The following PPM1D variants were observed in gnomAD, a reference collection of about 807,000 sequenced individuals.
PPM1D encodes protein phosphatase, Mg2+/Mn2+ dependent 1D.
A neutral mutation model predicts 58.3 loss-of-function variants in PPM1D; 52 were observed. That is an observed-to-expected ratio of 0.89 (90% CI 0.71 to 1.12). PPM1D has a LOEUF of 1.12. PPM1D is among the 50% of genes most tolerant of loss of function. PPM1D has a pLI of 0.00. For missense variants in PPM1D, 564 were observed against 777.2 expected, an observed-to-expected ratio of 0.73 and a Z score of 3.26; for synonymous variants, 278 against 285.1, an observed-to-expected ratio of 0.98 and a Z score of 0.25.
chr17:60,617,238 A>G (rs1399070839), intron 1 of PPM1D, among the ~76,000 whole-genome samples: 2 of 151,680 alleles, frequency 1.3e-5, no homozygotes. Flanking sequence ...GAATGTAGGC[A>G]TGAGCCACTG....
intron 3 of PPM1D, among the ~76,000 whole-genome samples, chr17:60,645,779 G>A (rs1055595263): frequency 6.6e-6 from 1 of 150,654 alleles, no homozygotes; most frequent in Non-Finnish European, 1.5e-5. Flanking sequence ...TGAGAAGGGA[G>A]AATTTTCACT....
Position 60,647,223 on chromosome 17 carries a change from G to C in PPM1D, c.827-669G>C, listed in dbSNP as rs573704204. Among the ~76,000 whole-genome samples, 195 of 152,106 alleles carry C rather than the reference G, an allele frequency of 1.3e-3. 1 individual carries two copies. The highest frequency in any genetic ancestry group is 3.2e-3 in the Admixed American group (49 of 15,256). The stretch of plus-strand genomic sequence containing the variant: ...GTATTGCTATCTATGAATCTGATTG[G>C]TTACTTCATTTATTTAGATTATCTT... On this transcript the variant is annotated intron_variant, in intron 3 of 5. Coordinates refer to ENST00000305921, the MANE Select transcript of PPM1D (RefSeq NM_003620.4).
intron 3 of PPM1D, among the ~76,000 whole-genome samples, chr17:60,643,476 CCTAATT>C (rs1369099917): frequency 6.6e-6 from 1 of 152,098 alleles, no homozygotes; most frequent in Admixed American, 6.6e-5. Flanking sequence ...GTTAGAATGT[CCTAATT>C]CTGTCATCAG....
intron 4 of PPM1D, among the ~76,000 whole-genome samples, chr17:60,653,639 A>G (rs2031383899): frequency 1.3e-5 from 2 of 152,196 alleles, no homozygotes; most frequent in South Asian, 2.1e-4. Context: ...TCATGTTAAC[A>G]ATATTAATCC....
Position 60,623,839 on chromosome 17 carries a change from T to A in PPM1D, c.701+90T>A, listed in dbSNP as rs1242115869. The A allele has an allele frequency of 6.5e-6, 8 of 1,236,332 alleles. No homozygotes were observed. In the East Asian group the frequency reaches 2.0e-4, roughly 31 times the overall value. The allele number at this position is 1,236,332 out of a possible 1,614,324, so 76.6% of individuals were successfully genotyped here. On this transcript the variant is annotated intron_variant, in intron 2 of 5. Coordinates refer to ENST00000305921, the MANE Select transcript of PPM1D (RefSeq NM_003620.4). Reference sequence around the variant, plus strand: ...GAAATTGACCTACTACTGTCCCTTTTACTGAAGTTACTTTCTTAGTATTAC... The same window carrying A: ...GAAATTGACCTACTACTGTCCCTTTAACTGAAGTTACTTTCTTAGTATTAC...
intron 2 of PPM1D, among the ~76,000 whole-genome samples, chr17:60,633,299 C>G (rs1442031870): frequency 1.3e-5 from 2 of 152,110 alleles, no homozygotes; most frequent in Non-Finnish European, 2.9e-5. Context: ...ACAACAACAA[C>G]AACAAAAATT....
At chr17:60,654,810 G>A (rs1169489547) in intron 4 of PPM1D, among the ~76,000 whole-genome samples, 2 of 151,140 alleles carry the variant, frequency 1.3e-5, no homozygotes, top group African/African-American at 4.9e-5. Flanking sequence ...GGAAGTTGCA[G>A]TGAGCCGAGG....
Position 60,661,975 on chromosome 17 carries a change from A to T in PPM1D, c.1261-1020A>T, listed in dbSNP as rs564862912. ...ACTGGTTTTCATTACTAGAAAATTC[A>T]GATTTTTATTTTTAATTTTAATATT... On this transcript the variant is annotated intron_variant, in intron 5 of 5. Coordinates refer to ENST00000305921, the MANE Select transcript of PPM1D (RefSeq NM_003620.4). 4.2e-4 allele frequency among the ~76,000 whole-genome samples: 64 copies of T among 152,180 alleles called. 3 individuals are homozygous for T. The South Asian group carries it at 0.013, about 32-fold the overall frequency.
At chr17:60,630,780 G>A (rs775861484) in intron 2 of PPM1D, among the ~76,000 whole-genome samples, 3 of 152,216 alleles carry the variant, frequency 2.0e-5, no homozygotes, top group Non-Finnish European at 4.4e-5. Flanking sequence ...TATGTTGGAA[G>A]CAGCTACTGT....
intron 5 of PPM1D, among the ~76,000 whole-genome samples, chr17:60,660,069 C>T (rs889957958): frequency 6.6e-6 from 1 of 152,134 alleles, no homozygotes; most frequent in Non-Finnish European, 1.5e-5. Flanking sequence ...GGTGTGGTGA[C>T]ATGTGCCTGT....
At chr17:60,639,919 C>T (rs778635087) in intron 3 of PPM1D, among the ~76,000 whole-genome samples, 19 of 152,152 alleles carry the variant, frequency 1.2e-4, no homozygotes, top group Non-Finnish European at 2.6e-4. Context: ...TAGGAAGAAG[C>T]ATAGTGATAT....
intron 1 of PPM1D, among the ~76,000 whole-genome samples, chr17:60,609,087 T>C (rs142386594): frequency 0.012 from 1,767 of 150,188 alleles, 34 homozygotes; most frequent in African/African-American, 0.041. Context: ...GTACATTTTG[T>C]ATTTTGTTTG....
At chr17:60,661,087 C>T (rs1025347172) in intron 5 of PPM1D, among the ~76,000 whole-genome samples, 3 of 151,582 alleles carry the variant, frequency 2.0e-5, no homozygotes, top group Non-Finnish European at 2.9e-5. Context: ...GGCATGGTGG[C>T]GCATGCCTGT....
intron 1 of PPM1D, among the ~76,000 whole-genome samples, chr17:60,621,800 G>A (rs1193002764): frequency 2.0e-5 from 3 of 147,720 alleles, no homozygotes; most frequent in Admixed American, 6.7e-5. Flanking sequence ...TCGATCTCCT[G>A]ACCTCGTGAT....
chr17:60,650,339 T>A (rs574896896), intron 4 of PPM1D, among the ~76,000 whole-genome samples: 2 of 152,284 alleles, frequency 1.3e-5, no homozygotes, highest in Admixed American at 1.3e-4. Context: ...TCACTTGAGG[T>A]CAGGAGTTCG....
intron 3 of PPM1D, among the ~76,000 whole-genome samples, chr17:60,643,889 T>TC (rs1178070419): frequency 3.6e-5 from 5 of 139,908 alleles, no homozygotes; most frequent in African/African-American, 1.1e-4. Context: ...TTTTCTTTTT[T>TC]TTTTTTTTTT....
chr17:60,611,329 T>C (rs2030450033), intron 1 of PPM1D, among the ~76,000 whole-genome samples: 1 of 152,186 alleles, frequency 6.6e-6, no homozygotes, highest in African/African-American at 2.4e-5. Context: ...CCATGTTTTC[T>C]TTTTATGAAA....
chr17:60,642,041 A>G (rs1455505946), intron 3 of PPM1D, among the ~76,000 whole-genome samples: 2 of 152,236 alleles, frequency 1.3e-5, no homozygotes, highest in Non-Finnish European at 2.9e-5. Flanking sequence ...CTATGATCGT[A>G]CTTTGGTGTA....
At chr17:60,641,308 T>C (rs1162790476) in intron 3 of PPM1D, among the ~76,000 whole-genome samples, 1 of 152,230 alleles carries the variant, frequency 6.6e-6, no homozygotes, top group Non-Finnish European at 1.5e-5. Flanking sequence ...TATGAGATGG[T>C]ATTTCATTGT....
Sources: gnomAD v4.1 joint callset for allele counts (sites outside exome capture counted in the v4.1 genomes callset) on GRCh38, gnomAD v4.1.1 for gene constraint, MANE v1.5 for transcripts, NCBI Gene and HGNC (gene_info 2026-07-23, HGNC 2026-07-21) for gene names.